Variants in CSMD3 observed in about 807,000 individuals in gnomAD.
CSMD3 encodes CUB and Sushi multiple domains 3.
CSMD3 carries 177 observed loss-of-function variants against 435.2 expected under a neutral mutation model. The ratio of observed to expected loss-of-function variants is 0.41; its 90% CI spans 0.36 to 0.46. The LOEUF is 0.46. Among genes scored for constraint, CSMD3 ranks in the 20% least tolerant of loss-of-function variants. The pLI, the probability that CSMD3 is intolerant of heterozygous loss-of-function variation, is 0.34. For synonymous variants in CSMD3, 1,656 were observed against 1,520.5 expected, an observed-to-expected ratio of 1.09 and a Z score of -2.07; for missense variants, 4,265 against 4,504.6, an observed-to-expected ratio of 0.95 and a Z score of 1.52.
chr8:112,382,670 A>G (rs1380750218), intron 37 of CSMD3, among the ~76,000 whole-genome samples: 3 of 152,222 alleles, frequency 2.0e-5, no homozygotes, highest in Non-Finnish European at 4.4e-5. Flanking sequence ...AAGCTTTTAA[A>G]TTATTGCATA....
chr8:112,848,311 C>G (rs980170446), intron 11 of CSMD3, among the ~76,000 whole-genome samples: 2 of 152,036 alleles, frequency 1.3e-5, no homozygotes, highest in African/African-American at 2.4e-5. Context: ...TAAAGCAGTA[C>G]AAATACCAAC....
intron 1 of CSMD3, among the ~76,000 whole-genome samples, chr8:113,362,106 G>C (rs1339831245): frequency 2.0e-5 from 3 of 152,074 alleles, no homozygotes; most frequent in South Asian, 4.1e-4. Flanking sequence ...GGATTTATTT[G>C]AAGTTGAACT....
intron 6 of CSMD3, among the ~76,000 whole-genome samples, chr8:113,003,835 A>G (rs2085955758): frequency 1.3e-5 from 2 of 152,078 alleles, no homozygotes; most frequent in Admixed American, 1.3e-4. Context: ...TGTTTCATCA[A>G]TATACAAATC....
intron 8 of CSMD3, among the ~76,000 whole-genome samples, chr8:112,954,442 C>T (rs893866849): frequency 1.3e-5 from 2 of 151,434 alleles, no homozygotes; most frequent in African/African-American, 4.8e-5. Flanking sequence ...ATTTTTACAT[C>T]TTGAAATATA....
intron 13 of CSMD3, among the ~76,000 whole-genome samples, chr8:112,722,072 A>T (rs1345308535): frequency 6.6e-6 from 1 of 152,048 alleles, no homozygotes; most frequent in East Asian, 1.9e-4. Context: ...AAATCCATAC[A>T]TAAGGCTGTG....
At chr8:112,992,734 T>G (rs1351813063) in intron 6 of CSMD3, among the ~76,000 whole-genome samples, 2 of 151,780 alleles carry the variant, frequency 1.3e-5, no homozygotes, top group East Asian at 3.9e-4. Context: ...GAAGGGAAGA[T>G]CTGATTTAAA....
chr8:112,834,894 G>T (rs988977324), intron 11 of CSMD3, among the ~76,000 whole-genome samples: 1 of 151,702 alleles, frequency 6.6e-6, no homozygotes, highest in African/African-American at 2.4e-5. Flanking sequence ...AACATAAATT[G>T]CATTTAGCAC....
At chr8:113,227,284 A>G (rs1190859024) in intron 3 of CSMD3, among the ~76,000 whole-genome samples, 1 of 151,634 alleles carries the variant, frequency 6.6e-6, no homozygotes, top group Non-Finnish European at 1.5e-5. Flanking sequence ...ATGTCAATAA[A>G]GAAAGGTTGT....
chr8:113,199,042 A>C (rs1210152132), intron 3 of CSMD3, among the ~76,000 whole-genome samples: 1 of 150,296 alleles, frequency 6.7e-6, no homozygotes, highest in Non-Finnish European at 1.5e-5. Context: ...TACTTTCATG[A>C]TGGTATTAGC....
chr8:112,848,756 C>T (rs1587469548), intron 11 of CSMD3, among the ~76,000 whole-genome samples: 1 of 152,032 alleles, frequency 6.6e-6, no homozygotes, highest in African/African-American at 2.4e-5. Flanking sequence ...GTGAGATGAT[C>T]TGCACAACAA....
intron 31 of CSMD3, among the ~76,000 whole-genome samples, chr8:112,488,606 A>G (rs1343467618): frequency 2.0e-5 from 3 of 152,226 alleles, no homozygotes; most frequent in African/African-American, 7.2e-5. Flanking sequence ...CAGGATACCT[A>G]CTGTGGGATG....
At chr8:113,170,792 C>A (rs1168270724) in intron 4 of CSMD3, among the ~76,000 whole-genome samples, 1 of 151,936 alleles carries the variant, frequency 6.6e-6, no homozygotes, top group Non-Finnish European at 1.5e-5. Context: ...TAAATTTATT[C>A]ATTAGTTTTA....
chr8:113,186,644 T>A (rs1358761130), intron 3 of CSMD3, among the ~76,000 whole-genome samples: 1 of 151,998 alleles, frequency 6.6e-6, no homozygotes, highest in Non-Finnish European at 1.5e-5. Context: ...GTATAAACCA[T>A]TTCCATTTTA....
intron 22 of CSMD3, among the ~76,000 whole-genome samples, chr8:112,599,369 ACAG>A (rs1293927995): frequency 1.4e-5 from 2 of 146,632 alleles, no homozygotes; most frequent in Non-Finnish European, 3.0e-5. Context: ...TCAGGAAACA[ACAG>A]GTGCTGGAGA....
At chr8:113,109,609 A>G (rs2090578351) in intron 4 of CSMD3, among the ~76,000 whole-genome samples, 1 of 152,200 alleles carries the variant, frequency 6.6e-6, no homozygotes, top group Admixed American at 6.5e-5. Context: ...AGGGACTGAG[A>G]TTGGGTTCCT....
At chr8:113,357,777 A>C (rs1013801287) in intron 1 of CSMD3, among the ~76,000 whole-genome samples, 1 of 152,158 alleles carries the variant, frequency 6.6e-6, no homozygotes, top group African/African-American at 2.4e-5. Context: ...GAGTTCTCAC[A>C]AGATCTGGGT....
intron 32 of CSMD3, among the ~76,000 whole-genome samples, chr8:112,458,874 A>G (rs149540385): frequency 2.9e-4 from 44 of 152,220 alleles, no homozygotes; most frequent in South Asian, 1.4e-3. Flanking sequence ...GGTCTTTGTA[A>G]TATCACTTGC....
chr8:112,851,057 C>T (rs1587474961), intron 11 of CSMD3, among the ~76,000 whole-genome samples: 2 of 151,982 alleles, frequency 1.3e-5, no homozygotes, highest in East Asian at 1.9e-4. Flanking sequence ...TTTAATATAA[C>T]ATTATATTTT....
Position 113,181,020 on chromosome 8 carries a change from G to GTTA in CSMD3, c.515-7107_515-7105dup, listed in dbSNP as rs566490362. The stretch of plus-strand genomic sequence containing the variant: ...AAAGGACAACTATTATATGTTATTT[G>GTTA]TTATTATTATTATTATCATTATTTG... On this transcript the variant is annotated intron_variant, in intron 3 of 70. Transcript: ENST00000297405. Among the ~76,000 whole-genome samples the GTTA allele has an allele frequency of 3.7e-3, 566 of 151,774 alleles. 3 individuals are homozygous for GTTA. Among genetic ancestry groups the GTTA allele is most frequent in the African/African-American group, 0.013 (529 of 41,416 alleles).
Sources: allele counts gnomAD v4.1 joint callset (sites outside exome capture counted in the v4.1 genomes callset), GRCh38; gene constraint gnomAD v4.1.1; transcripts MANE v1.5; gene names NCBI Gene and HGNC (gene_info 2026-07-23, HGNC 2026-07-21).